Variants in EDN1 observed in about 807,000 individuals in gnomAD.
The protein encoded by EDN1 is endothelin-1.
EDN1 carries 11 observed loss-of-function variants against 21.7 expected under a neutral mutation model. The ratio of observed to expected loss-of-function variants is 0.51; its 90% CI spans 0.32 to 0.84. EDN1 has a LOEUF of 0.84. Among genes scored for constraint, EDN1 ranks in the 40% least tolerant of loss-of-function variants. EDN1 has a pLI of 0.03. For missense variants in EDN1, 244 were observed against 262.3 expected (o/e 0.93, Z 0.48); for synonymous variants, 85 against 90.6 (o/e 0.94, Z 0.35).
chr6:12,265,186 G>A, the EDN1 span, among the ~76,000 whole-genome samples: 1 of 152,158 alleles, frequency 6.6e-6, no homozygotes, highest in African/African-American at 2.4e-5. Flanking sequence ...GCTTTGACAG[G>A]TTGTAGACAG....
intron 1 of EDN1, 80 bp from the exon 2 acceptor site, chr6:12,292,261 G>A (rs897857679): frequency 1.9e-5 from 30 of 1,589,926 alleles, no homozygotes; most frequent in Non-Finnish European, 2.6e-5. Flanking sequence ...TGCTCTGCTA[G>A]CTCTGACTCT....
At chr6:12,239,008 T>C in the EDN1 span, among the ~76,000 whole-genome samples, 17 of 152,356 alleles carry the variant, frequency 1.1e-4, no homozygotes, top group Middle Eastern at 6.8e-3. Flanking sequence ...AAATTCCAAC[T>C]TATAGCAACT....
At chr6:12,262,024 T>C in the EDN1 span, among the ~76,000 whole-genome samples, 1 of 151,562 alleles carries the variant, frequency 6.6e-6, no homozygotes, top group Non-Finnish European at 1.5e-5. Flanking sequence ...AGCCCCAGCA[T>C]TTCAAATGAA....
the EDN1 span, among the ~76,000 whole-genome samples, chr6:12,259,309 T>A: frequency 6.6e-6 from 1 of 151,760 alleles, no homozygotes; most frequent in East Asian, 1.9e-4. Flanking sequence ...AGTTTTAGAA[T>A]TAATGAGCAT....
chr6:12,266,394 G>A, the EDN1 span, among the ~76,000 whole-genome samples: 1 of 152,198 alleles, frequency 6.6e-6, no homozygotes, highest in African/African-American at 2.4e-5. Context: ...TTAGAGCAGA[G>A]CAGGAGGGAA....
chr6:12,265,769 G>C, the EDN1 span, among the ~76,000 whole-genome samples: 1 of 152,160 alleles, frequency 6.6e-6, no homozygotes, highest in Non-Finnish European at 1.5e-5. Context: ...TTAGTCCCAT[G>C]GTAGTAACTC....
chr6:12,239,322 T>G, the EDN1 span, among the ~76,000 whole-genome samples: 4 of 152,242 alleles, frequency 2.6e-5, no homozygotes, highest in African/African-American at 9.6e-5. Context: ...ACTTGGATGT[T>G]CTTGTTCCTT....
the EDN1 span, among the ~76,000 whole-genome samples, chr6:12,264,499 AAG>A: frequency 3.3e-5 from 5 of 152,200 alleles, no homozygotes; most frequent in Admixed American, 1.3e-4. Flanking sequence ...GAAAGAATTG[AAG>A]AGAGAGTGCT....
At chr6:12,294,427 TAGGTAAGAGGTTCACA>T (rs1370484916) in intron 4 of EDN1, 23 bp downstream of exon 4, 2 of 1,613,502 alleles carry the variant, frequency 1.2e-6, no homozygotes, top group African/African-American at 1.3e-5. Flanking sequence ...GAAGAAAAAT[TAGGTAAGAGGTTCACA>T]AGAACAACTA....
the EDN1 span, among the ~76,000 whole-genome samples, chr6:12,242,667 G>A: frequency 6.6e-6 from 1 of 151,996 alleles, no homozygotes; most frequent in Middle Eastern, 3.4e-3. Flanking sequence ...TTGGATCTCA[G>A]CCTTGCTGCT....
the EDN1 span, among the ~76,000 whole-genome samples, chr6:12,279,385 C>T: frequency 2.1e-4 from 32 of 152,222 alleles, no homozygotes; most frequent in Non-Finnish European, 3.8e-4. Flanking sequence ...GAAAACTCCA[C>T]GCTAGATAGC....
the EDN1 span, among the ~76,000 whole-genome samples, chr6:12,268,623 G>A: frequency 2.0e-5 from 3 of 152,114 alleles, no homozygotes; most frequent in Non-Finnish European, 4.4e-5. Flanking sequence ...TTAGTTGGCT[G>A]TAAATGTGTG....
chr6:12,265,979 G>A, the EDN1 span, among the ~76,000 whole-genome samples: 1 of 152,150 alleles, frequency 6.6e-6, no homozygotes, highest in Non-Finnish European at 1.5e-5. Flanking sequence ...GTCACTGCTT[G>A]ACAAAGTTTC....
chr6:12,259,414 TAGAA>T, the EDN1 span, among the ~76,000 whole-genome samples: 211 of 150,770 alleles, frequency 1.4e-3, no homozygotes, highest in Admixed American at 2.8e-3. Flanking sequence ...TTTAAATAAT[TAGAA>T]AGATTATTAT....
upstream of EDN1, among the ~76,000 whole-genome samples, chr6:12,287,348 GTTC>G (rs773980676): frequency 5.3e-5 from 8 of 151,758 alleles, no homozygotes; most frequent in Non-Finnish European, 2.9e-5. Flanking sequence ...TTCACCTCTA[GTTC>G]TTCTCCCCGC....
the EDN1 span, among the ~76,000 whole-genome samples, chr6:12,254,526 A>G: frequency 1.6e-3 from 243 of 152,336 alleles, 3 homozygotes; most frequent in African/African-American, 5.7e-3. Context: ...TGTGGACCAT[A>G]TCCCCAGGAC....
the EDN1 span, among the ~76,000 whole-genome samples, chr6:12,276,726 G>A: frequency 6.6e-6 from 1 of 152,152 alleles, no homozygotes; most frequent in Non-Finnish European, 1.5e-5. Flanking sequence ...TACAGGCAGA[G>A]GGAAAAACAT....
upstream of EDN1, among the ~76,000 whole-genome samples, chr6:12,285,492 G>A (rs1054814552): frequency 2.0e-5 from 3 of 152,010 alleles, no homozygotes; most frequent in African/African-American, 7.2e-5. Flanking sequence ...AGATATTGCA[G>A]TTGATGGAAC....
Position 12,294,403 on chromosome 6 carries a change from AG to A in EDN1, c.533+1del, listed in dbSNP as rs764524594. 6.2e-7 allele frequency: 1 copy of A among 1,614,160 alleles called. No individual in the cohort carries two copies. Among genetic ancestry groups the A allele is most frequent in the East Asian group, 2.2e-5 (1 of 44,868 alleles). ...TTCAGAGGAACACCTAAGACAAACCAGGTAAGAGGGAAGGAAGAAAAATTAG... is the reference window on the plus strand; with the variant it reads ...TTCAGAGGAACACCTAAGACAAACCAGTAAGAGGGAAGGAAGAAAAATTAG... ...RSSEEHLRQT[R>X]SETMRNSVKS... is the part of the protein sequence containing the mutation. On this transcript the variant is annotated frameshift_variant and splice_region_variant, in exon 4 of 5. Transcript: ENST00000379375. LOFTEE classifies it high-confidence loss of function.
Sources: allele counts gnomAD v4.1 joint callset (sites outside exome capture counted in the v4.1 genomes callset), GRCh38; gene constraint gnomAD v4.1.1; transcripts MANE v1.5; gene names NCBI Gene and HGNC (gene_info 2026-07-23, HGNC 2026-07-21).